Variants in RYR2 observed in about 807,000 individuals in gnomAD.
The protein encoded by RYR2 is ryanodine receptor 2.
RYR2 carries 227 observed loss-of-function variants against 601.1 expected under a neutral mutation model. The ratio of observed to expected loss-of-function variants is 0.38; its 90% CI spans 0.34 to 0.42. The LOEUF (loss-of-function observed/expected upper bound fraction) is 0.42. RYR2 is among the 10% of genes least tolerant of loss of function. The pLI, the probability that RYR2 is intolerant of heterozygous loss-of-function variation, is 1.00. For missense variants in RYR2, 4,646 were observed against 6,156.5 expected (o/e 0.75, Z 8.21); for synonymous variants, 2,223 against 2,175.1 (o/e 1.02, Z -0.61).
chr1:237,684,472 G>A (rs1573510284), intron 62 of RYR2, among the ~76,000 whole-genome samples: 1 of 152,114 alleles, frequency 6.6e-6, no homozygotes, highest in Non-Finnish European at 1.5e-5. Flanking sequence ...GAGAAACAGG[G>A]AAGAGAGAAA....
At chr1:237,635,358 T>C (rs985427457) in intron 44 of RYR2, among the ~76,000 whole-genome samples, 1 of 152,204 alleles carries the variant, frequency 6.6e-6, no homozygotes, top group African/African-American at 2.4e-5. Context: ...TCTTATGTGT[T>C]TTTTTCTTTT....
chr1:237,594,886 G>GTTTTTTTTGTTTTTTTTTTTTTTTTTTT (rs1675642723), intron 33 of RYR2, among the ~76,000 whole-genome samples: 2 of 60,418 alleles, frequency 3.3e-5, no homozygotes, highest in African/African-American at 9.5e-5. Context: ...ATATCACTGG[G>GTTTTTTTTGTTTTTTTTTTTTTTTTTTT]TTTTTTTTTT....
In RYR2 at chr1:237,700,377, A is replaced by T; in HGVS notation, c.9277A>T (p.Ile3093Phe). The change falls in exon 65 of 105, where the codon ATT (isoleucine) becomes TTT (phenylalanine). Residue 3093 changes from isoleucine to phenylalanine, a missense_variant. Physicochemically the swap from Ile to Phe is conservative, Grantham distance 21. Around this residue, in one of 17 missense-constraint regions of RYR2, gnomAD observed 1,497 missense variants for 1,842.6 expected, o/e 0.81. Coordinates refer to ENST00000366574, the MANE Select transcript of RYR2 (RefSeq NM_001035.3). ...TRNQPKGVTQIINYTTVALLP... is the reference protein window; with the variant it reads ...TRNQPKGVTQFINYTTVALLP... ...AAACCAGCCCAAAGGGGTTACTCAG[A>T]TTATCAATTACACCACAGTGGCCCT... The T allele has an allele frequency of 6.2e-7, 1 of 1,607,586 alleles. No homozygotes were observed. The highest frequency in any genetic ancestry group is 1.3e-5 in the African/African-American group (1 of 74,974).
intron 1 of RYR2, among the ~76,000 whole-genome samples, chr1:237,099,117 AC>A (rs71966050): frequency 0.032 from 4,458 of 137,558 alleles, 210 homozygotes; most frequent in African/African-American, 0.11. Flanking sequence ...AAAAAAAAAA[AC>A]CCAGGAAATT....
rs528090111 is a variant in RYR2, at chr1:237,711,345, A to G, written c.10231-400A>G. On this transcript the variant is annotated intron_variant, in intron 70 of 104. Transcript: ENST00000366574. ...TAAATAATGATATGGTATTTTAAAA[A>G]CAGGTAAAAAATCTGACAGAATAGA... Among the ~76,000 whole-genome samples the G allele has an allele frequency of 5.8e-4, 88 of 152,324 alleles. 1 individual carries two copies. The highest frequency in any genetic ancestry group is 2.1e-3 in the African/African-American group (87 of 41,578).
At chr1:237,539,505 T>C (rs75351316) in intron 25 of RYR2, among the ~76,000 whole-genome samples, 1 of 152,370 alleles carries the variant, frequency 6.6e-6, no homozygotes, top group East Asian at 1.9e-4. Context: ...AATTAAATGC[T>C]ATATTCCCTA....
rs1665938576 is a variant in RYR2 at position 237,511,845 on chromosome 1, A to C, written c.2822+54A>C. 7.1e-6 allele frequency: 7 copies of C among 987,746 alleles called. No homozygotes were observed. In the South Asian group the frequency reaches 7.4e-5, roughly 10 times the overall value. The allele number at this position is 987,746 out of a possible 1,614,324, so 61.2% of individuals were successfully genotyped here. A position where few individuals can be genotyped will look rare whatever the true frequency, so the allele number is the denominator to read the frequency against. On this transcript the variant is annotated intron_variant, in intron 24 of 104. Coordinates refer to ENST00000366574, the MANE Select transcript of RYR2 (RefSeq NM_001035.3). Reference sequence around the variant, plus strand: ...AACCTGCCTTCCCTGAAAAAAAAAAAAAAAAAAAAAAAAACAGGTATTGAT... The same window carrying C: ...AACCTGCCTTCCCTGAAAAAAAAAACAAAAAAAAAAAAAACAGGTATTGAT...
intron 54 of RYR2, among the ~76,000 whole-genome samples, chr1:237,659,030 T>C (rs767286939): frequency 1.4e-4 from 22 of 152,160 alleles, no homozygotes; most frequent in Non-Finnish European, 2.8e-4. Context: ...AGGAGTTGAG[T>C]TGAGATAGTT....
chr1:237,575,262 A>C (rs1673115318), intron 29 of RYR2, among the ~76,000 whole-genome samples: 2 of 152,216 alleles, frequency 1.3e-5, no homozygotes, highest in Admixed American at 1.3e-4. Flanking sequence ...TTTTACCCAC[A>C]GAGGTATAGT....
intron 1 of RYR2, among the ~76,000 whole-genome samples, chr1:237,230,654 C>T (rs1379245372): frequency 2.0e-5 from 3 of 152,120 alleles, no homozygotes; most frequent in Non-Finnish European, 2.9e-5. Context: ...TATTGCGGCT[C>T]ACGCCTGTAA....
intron 17 of RYR2, among the ~76,000 whole-genome samples, chr1:237,474,919 T>C (rs1395647902): frequency 6.6e-6 from 1 of 152,192 alleles, no homozygotes; most frequent in Non-Finnish European, 1.5e-5. Flanking sequence ...AGTAGGACTT[T>C]CCCTTACTTG....
intron 10 of RYR2, among the ~76,000 whole-genome samples, chr1:237,414,073 A>G (rs1287453631): frequency 6.6e-6 from 1 of 152,132 alleles, no homozygotes; most frequent in Non-Finnish European, 1.5e-5. Flanking sequence ...GATGAGTAAA[A>G]GTCTTTAAAA....
chr1:237,519,034 A>G (rs1243344257), intron 24 of RYR2, among the ~76,000 whole-genome samples: 2 of 152,120 alleles, frequency 1.3e-5, no homozygotes. Context: ...GATGTTCAGC[A>G]TTTTCTCATA....
chr1:237,355,880 A>T lies in RYR2; in HGVS notation c.274-85A>T. On this transcript the variant is annotated intron_variant, in intron 3 of 104. Coordinates refer to ENST00000366574, the MANE Select transcript of RYR2 (RefSeq NM_001035.3). ...AGATTGTGGTGCAAGGACCAAATTG[A>T]TATCAATTCATTTAAATGACAGTAA... 2.5e-6 allele frequency: 3 copies of T among 1,210,168 alleles called. No homozygotes were observed. The South Asian group carries it at 4.0e-5, about 16-fold the overall frequency. 75.0% of individuals were successfully genotyped at this position (1,210,168 alleles called of 1,614,324 possible). A position where few individuals can be genotyped will look rare whatever the true frequency, so the allele number is the denominator to read the frequency against.
At position 237,270,633 on chromosome 1, in the gene RYR2, C is replaced by G. The variant is rs1689585690; in HGVS notation, c.168+17C>G. On this transcript the variant is annotated intron_variant, in intron 2 of 104. Transcript: ENST00000366574. ...AATTCCAAGGTGGGATGAAGTCTTT[C>G]AAGGCTATTCAAATATGCAAGTTTT... The G allele has an allele frequency of 1.3e-6, 2 of 1,560,384 alleles. No homozygotes were observed. The highest frequency in any genetic ancestry group is 1.7e-6 in the Non-Finnish European group (2 of 1,151,368).
At chr1:237,289,072 G>A (rs773376294) in intron 2 of RYR2, among the ~76,000 whole-genome samples, 18 of 152,170 alleles carry the variant, frequency 1.2e-4, no homozygotes, top group Non-Finnish European at 2.1e-4. Context: ...ACAGACCTTC[G>A]GCTTCTCCAG....
At chr1:237,138,529 A>T (rs1252448548) in intron 1 of RYR2, among the ~76,000 whole-genome samples, 2 of 152,166 alleles carry the variant, frequency 1.3e-5, no homozygotes, top group African/African-American at 2.4e-5. Context: ...TAAGTGGGAA[A>T]TTTTTTATTA....
chr1:237,622,862 C>G (rs6429031), intron 38 of RYR2, among the ~76,000 whole-genome samples: 25,350 of 152,012 alleles, frequency 0.17, 2,564 homozygotes, highest in African/African-American at 0.29. Flanking sequence ...GTCCTGGAAC[C>G]AATACTCCAT....
intron 25 of RYR2, 128 bp downstream of exon 25, chr1:237,530,638 C>T (rs1274485793): frequency 3.9e-5 from 28 of 724,108 alleles, no homozygotes; most frequent in Admixed American, 2.6e-4. Context: ...AGGCTGGGTG[C>T]GGTGGCTCAC....
Sources: gnomAD v4.1 joint callset for allele counts (sites outside exome capture counted in the v4.1 genomes callset) on GRCh38, gnomAD v4.1.1 for gene constraint, gnomAD v4.1.1 regional missense constraint, MANE v1.5 for transcripts, NCBI Gene and HGNC (gene_info 2026-07-23, HGNC 2026-07-21) for gene names.